ADCY5: variants seen among roughly 807,000 people sequenced by gnomAD.
ADCY5 encodes the protein adenylate cyclase 5, also known as adenylate cyclase type 5.
ADCY5 carries 30 observed loss-of-function variants against 119.7 expected under a neutral mutation model. The ratio of observed to expected loss-of-function variants is 0.25; its 90% CI spans 0.19 to 0.34. ADCY5 has a LOEUF of 0.34. ADCY5 is among the 10% of genes least tolerant of loss of function. ADCY5 has a pLI of 1.00. For missense variants in ADCY5, 1,324 were observed against 1,775.2 expected, an observed-to-expected ratio of 0.75 and a Z score of 4.57; for synonymous variants, 753 against 762.2, an observed-to-expected ratio of 0.99 and a Z score of 0.20.
intron 1 of ADCY5, among the ~76,000 whole-genome samples, chr3:123,401,007 C>T (rs750376258): frequency 4.0e-5 from 6 of 150,316 alleles, no homozygotes; most frequent in Non-Finnish European, 5.9e-5. Flanking sequence ...GGTATGAAAG[C>T]AGTTAAATTT....
At chr3:123,400,547 C>G (rs902254300) in intron 1 of ADCY5, among the ~76,000 whole-genome samples, 2 of 152,180 alleles carry the variant, frequency 1.3e-5, no homozygotes, top group African/African-American at 4.8e-5. Context: ...AATGGGTAAA[C>G]TGTGATATGG....
Position 123,448,595 on chromosome 3 carries a change from G to C in ADCY5, c.-50C>G. On this transcript the variant is annotated 5_prime_UTR_variant, in exon 1 of 21. Coordinates refer to ENST00000462833, the MANE Select transcript of ADCY5 (RefSeq NM_183357.3). ...TTCCTCCTCCCCCGGAAGCCGGGCC[G>C]GGGGTCTCCAAGGGGAGGGCGGACG... 1.0e-5 allele frequency: 13 copies of C among 1,267,054 alleles called. No homozygotes were observed. Among genetic ancestry groups the C allele is most frequent in the Non-Finnish European group, 1.3e-5 (13 of 1,008,510 alleles). The allele number at this position is 1,267,054 out of a possible 1,614,324, so 78.5% of individuals were successfully genotyped here. A position where few individuals can be genotyped will look rare whatever the true frequency, so the allele number is the denominator to read the frequency against.
chr3:123,362,418 A>T (rs1247325203), intron 1 of ADCY5, among the ~76,000 whole-genome samples: 1 of 152,228 alleles, frequency 6.6e-6, no homozygotes, highest in Non-Finnish European at 1.5e-5. Flanking sequence ...AAATAGCAAC[A>T]ATTACAAGGG....
Position 123,347,802 on chromosome 3 carries a change from G to A in ADCY5, c.1386C>T (p.Ile462=). The stretch of plus-strand genomic sequence containing the variant: ...CCTACCTCACGTTGTCATGTTTCTG[G>A]ATGTAAATCTTATGGAACATCATAT... ...QEDMMFHKIY[I]QKHDNVSILF... Residue 462 remains isoleucine, a synonymous_variant, in exon 3 of 21, where the codon ATC becomes ATT. Coordinates refer to ENST00000462833, the MANE Select transcript of ADCY5 (RefSeq NM_183357.3). The A allele has an allele frequency of 6.2e-7, 1 of 1,614,080 alleles. No homozygotes were observed. Among genetic ancestry groups the A allele is most frequent in the Non-Finnish European group, 8.5e-7 (1 of 1,179,986 alleles).
At chr3:123,390,962 A>G (rs964814126) in intron 1 of ADCY5, among the ~76,000 whole-genome samples, 4 of 122,480 alleles carry the variant, frequency 3.3e-5, no homozygotes, top group African/African-American at 1.3e-4. Context: ...TAAGGTGCCT[A>G]AAGCTGACTT....
At chr3:123,408,549 G>A (rs1200866336) in intron 1 of ADCY5, among the ~76,000 whole-genome samples, 1 of 151,608 alleles carries the variant, frequency 6.6e-6, no homozygotes, top group South Asian at 2.1e-4. Flanking sequence ...CCAGCTACTC[G>A]ACAGGCTGAG....
At chr3:123,362,215 A>G (rs1385384486) in intron 1 of ADCY5, among the ~76,000 whole-genome samples, 1 of 152,182 alleles carries the variant, frequency 6.6e-6, no homozygotes, top group Non-Finnish European at 1.5e-5. Flanking sequence ...CGGCAACTCT[A>G]TGTTATTGAG....
At chr3:123,385,549 TG>T (rs2107571481) in intron 1 of ADCY5, among the ~76,000 whole-genome samples, 1 of 152,130 alleles carries the variant, frequency 6.6e-6, no homozygotes, top group African/African-American at 2.4e-5. Context: ...GTGTACAGGG[TG>T]GGAGAGGAAA....
chr3:123,360,114 G>A (rs1488534088), intron 1 of ADCY5, among the ~76,000 whole-genome samples: 3 of 150,900 alleles, frequency 2.0e-5, no homozygotes, highest in Non-Finnish European at 4.4e-5. Flanking sequence ...ATCATAATGA[G>A]TGACACCTCT....
At chr3:123,402,678 G>A (rs567237992) in intron 1 of ADCY5, among the ~76,000 whole-genome samples, 2 of 151,994 alleles carry the variant, frequency 1.3e-5, no homozygotes, top group Non-Finnish European at 2.9e-5. Flanking sequence ...GTGAAACCCC[G>A]TCTCTACTAA....
chr3:123,370,585 G>A (rs1001180797), intron 1 of ADCY5, among the ~76,000 whole-genome samples: 1 of 152,240 alleles, frequency 6.6e-6, no homozygotes, highest in African/African-American at 2.4e-5. Flanking sequence ...AATGTCCTTA[G>A]AAGTGGTGGA....
At chr3:123,445,348 A>C (rs4677890) in intron 1 of ADCY5, among the ~76,000 whole-genome samples, 145,903 of 148,546 alleles carry the variant, frequency 0.98, 71,669 homozygotes, top group South Asian at 1. Flanking sequence ...GGCCCCCCCC[A>C]AGGCTCAGCA....
At chr3:123,410,246 T>C (rs1945010579) in intron 1 of ADCY5, among the ~76,000 whole-genome samples, 1 of 152,174 alleles carries the variant, frequency 6.6e-6, no homozygotes, top group Admixed American at 6.5e-5. Context: ...GCTTCCCTTG[T>C]AGAACTCCTC....
chr3:123,395,240 T>C (rs1453839703), intron 1 of ADCY5, among the ~76,000 whole-genome samples: 2 of 152,174 alleles, frequency 1.3e-5, no homozygotes, highest in Non-Finnish European at 2.9e-5. Flanking sequence ...GCCTCCCAAA[T>C]TGGTCTCCAT....
intron 17 of ADCY5, among the ~76,000 whole-genome samples, chr3:123,293,158 G>A (rs1939266719): frequency 6.6e-6 from 1 of 152,248 alleles, no homozygotes; most frequent in South Asian, 2.1e-4. Context: ...GGTCAATGCT[G>A]GAGGAAGGGA....
chr3:123,316,941 A>T (rs567020703), intron 11 of ADCY5, among the ~76,000 whole-genome samples: 1 of 151,986 alleles, frequency 6.6e-6, no homozygotes, highest in Non-Finnish European at 1.5e-5. Flanking sequence ...TATCTAGGGG[A>T]TGGGTACTGA....
intron 18 of ADCY5, among the ~76,000 whole-genome samples, chr3:123,290,724 G>A (rs1237782550): frequency 6.6e-6 from 1 of 152,178 alleles, no homozygotes; most frequent in African/African-American, 2.4e-5. Flanking sequence ...ACACTGGGTT[G>A]TCCCAGGCCC....
chr3:123,318,714 C>G (rs951799477), intron 10 of ADCY5, among the ~76,000 whole-genome samples: 1 of 152,170 alleles, frequency 6.6e-6, no homozygotes, highest in African/African-American at 2.4e-5. Context: ...AGTTTGCTTG[C>G]CTGGTTTAAT....
chr3:123,392,602 A>C (rs1944428428), intron 1 of ADCY5, among the ~76,000 whole-genome samples: 1 of 152,166 alleles, frequency 6.6e-6, no homozygotes, highest in Non-Finnish European at 1.5e-5. Context: ...AGTGGTGACA[A>C]AGCTGGAGTC....
Sources: allele counts gnomAD v4.1 joint callset (sites outside exome capture counted in the v4.1 genomes callset), GRCh38; gene constraint gnomAD v4.1.1; transcripts MANE v1.5; gene names NCBI Gene and HGNC (gene_info 2026-07-23, HGNC 2026-07-21).